CELF1: variants seen among roughly 807,000 people sequenced by gnomAD.
CELF1 encodes CUGBP Elav-like family member 1, also known as 50 kDa nuclear polyadenylated RNA-binding protein.
A neutral mutation model predicts 61.8 loss-of-function variants in CELF1; 10 were observed. The observed-to-expected ratio is 0.16, with a 90% CI of 0.10 to 0.27. The LOEUF (loss-of-function observed/expected upper bound fraction) is 0.27, where lower values mean the gene tolerates loss of function less well. Among genes scored for constraint, CELF1 ranks in the 10% least tolerant of loss-of-function variants. The probability of loss-of-function intolerance (pLI) is 1.00; values close to 1 mark genes in which losing one functional copy is unlikely to be tolerated. For synonymous variants in CELF1, 236 were observed against 225.1 expected (o/e 1.05, Z -0.43); for missense variants, 380 against 639.1 (o/e 0.59, Z 4.37).
chr11:47,531,459 C>T (rs1159801494), intron 1 of CELF1, among the ~76,000 whole-genome samples: 1 of 152,028 alleles, frequency 6.6e-6, no homozygotes, highest in South Asian at 2.1e-4. Flanking sequence ...GTCTCAGCTA[C>T]TCTGGGGGCT....
At chr11:47,554,866 G>C (rs900148927), upstream of CELF1, among the ~76,000 whole-genome samples, 1 of 151,996 alleles carries the variant, frequency 6.6e-6, no homozygotes, top group African/African-American at 2.4e-5. Flanking sequence ...TTCAACCCCT[G>C]TTGGTCAGGC....
chr11:47,478,669 A>G (rs2081331399), intron 10 of CELF1, among the ~76,000 whole-genome samples: 1 of 152,238 alleles, frequency 6.6e-6, no homozygotes. Context: ...GAGGCACCAG[A>G]TAACGTCAGA....
chr11:47,472,491 T>G, intron 14 of CELF1, 134 bp from the exon 15 acceptor site: 1 of 921,186 alleles, frequency 1.1e-6, no homozygotes, highest in Non-Finnish European at 1.7e-6. Flanking sequence ...AATCTGGACA[T>G]TATGTCATAC....
At position 47,533,743 on chromosome 11, in the gene CELF1, G is replaced by C. The variant is rs1598188334; in HGVS notation, c.-154+19249C>G. Among the ~76,000 whole-genome samples the C allele has an allele frequency of 5.4e-5, 8 of 148,304 alleles. No individual in the cohort carries two copies. The Admixed American group carries it at 5.5e-4, about 10-fold the overall frequency. On this transcript the variant is annotated intron_variant, in intron 1 of 14. Coordinates refer to ENST00000687097, the MANE Select transcript of CELF1 (RefSeq NM_001376376.1). ...AAGCATCACTTGAACCTAAGAGGCA[G>C]GGGTTACAGTGAGCTGAGATTGCTC...
Position 47,472,206 on chromosome 11 carries a change from C to A in CELF1, c.*24G>T, listed in dbSNP as rs1335390679. 1 of 1,612,320 alleles carries A rather than the reference C, an allele frequency of 6.2e-7. No homozygotes were observed. The highest frequency in any genetic ancestry group is 1.1e-5 in the South Asian group (1 of 91,000). On this transcript the variant is annotated 3_prime_UTR_variant, in exon 15 of 15. Transcript: ENST00000687097. Reference sequence around the variant, plus strand: ...CCCCACTTACCAGAAGACCCTCTCACTCCAGTCTCAGAGGGGAGCACGCTC... The same window carrying A: ...CCCCACTTACCAGAAGACCCTCTCAATCCAGTCTCAGAGGGGAGCACGCTC...
Position 47,499,594 on chromosome 11 carries a change from G to A in CELF1, c.-71C>T. ...CTTGTCTGATCCACAAATACACACA[G>A]CTTTAGCTTCCTGGGCCCCACAAAA... On this transcript the variant is annotated 5_prime_UTR_variant, in exon 3 of 15. Coordinates refer to ENST00000687097, the MANE Select transcript of CELF1 (RefSeq NM_001376376.1). 1.6e-6 allele frequency: 2 copies of A among 1,255,832 alleles called. No individual in the cohort carries two copies. Among genetic ancestry groups the A allele is most frequent in the Admixed American group, 2.0e-5 (1 of 48,858 alleles). 77.8% of individuals were successfully genotyped at this position (1,255,832 alleles called of 1,614,324 possible). A position where few individuals can be genotyped will look rare whatever the true frequency, so the allele number is the denominator to read the frequency against.
intron 1 of CELF1, chr11:47,513,681 T>C (rs1315588898): frequency 2.0e-5 from 3 of 151,982 alleles, no homozygotes; most frequent in South Asian, 2.1e-4. Context: ...GGTCTCGATC[T>C]CCTGACCTCG....
chr11:47,513,694 A>G (rs1272996561), intron 1 of CELF1: 1 of 150,862 alleles, frequency 6.6e-6, no homozygotes, highest in Non-Finnish European at 1.5e-5. Context: ...TGACCTCGTG[A>G]TCCGCCCACC....
intron 1 of CELF1, among the ~76,000 whole-genome samples, chr11:47,521,443 G>A (rs2095879659): frequency 6.6e-6 from 1 of 152,114 alleles, no homozygotes; most frequent in African/African-American, 2.4e-5. Flanking sequence ...AACCCACAAT[G>A]TACCCTATAC....
At chr11:47,521,026 C>T (rs534539980) in intron 1 of CELF1, among the ~76,000 whole-genome samples, 8 of 152,226 alleles carry the variant, frequency 5.3e-5, no homozygotes, top group Non-Finnish European at 7.4e-5. Flanking sequence ...CCAAGATGGG[C>T]GGATCACGAA....
rs927247614 is a variant in CELF1 at position 47,470,797 on chromosome 11, T to C, written c.*1433A>G. 7 of 152,226 alleles carry C rather than the reference T, an allele frequency of 4.6e-5. No homozygotes were observed. Among genetic ancestry groups the C allele is most frequent in the Non-Finnish European group, 1.5e-5 (1 of 68,062 alleles). 9.4% of individuals were successfully genotyped at this position (152,226 alleles called of 1,614,324 possible). The stretch of plus-strand genomic sequence containing the variant: ...GCCCAGGTGTACATTCCCAACAGCA[T>C]GTCCTTCCTGGTTCTCTACCCCCAC... On this transcript the variant is annotated 3_prime_UTR_variant, in exon 15 of 15. Coordinates refer to ENST00000687097, the MANE Select transcript of CELF1 (RefSeq NM_001376376.1).
intron 2 of CELF1, among the ~76,000 whole-genome samples, chr11:47,563,567 T>C (rs2097233453): frequency 6.6e-6 from 1 of 152,094 alleles, no homozygotes; most frequent in Non-Finnish European, 1.5e-5. Flanking sequence ...CGGGCACCTG[T>C]AGTTCTAGCT....
In CELF1 at chr11:47,545,909, A is replaced by G. The variant is rs111564122; in HGVS notation, c.-154+7083T>C. ...TGTGTGTGTGTGTGTGTGTGTGTAT[A>G]TATATATTTTTTTTTTTTTGAGATG... On this transcript the variant is annotated intron_variant, in intron 1 of 14. Transcript: ENST00000687097. 1.2e-3 allele frequency among the ~76,000 whole-genome samples: 131 copies of G among 108,440 alleles called. 1 individual carries two copies. The highest frequency in any genetic ancestry group is 2.0e-3 in the Non-Finnish European group (102 of 51,498). 71.1% of individuals were successfully genotyped at this position (108,440 alleles called of 152,430 possible). A position where few individuals can be genotyped will look rare whatever the true frequency, so the allele number is the denominator to read the frequency against.
intron 1 of CELF1, 54 bp downstream of exon 1, chr11:47,552,937 CT>C (rs2097181780): frequency 2.5e-6 from 1 of 397,714 alleles, no homozygotes. Flanking sequence ...TCCCTCTTGC[CT>C]TTTTTCCCCT....
At chr11:47,522,161 C>T (rs1286114897) in intron 1 of CELF1, among the ~76,000 whole-genome samples, 1 of 151,976 alleles carries the variant, frequency 6.6e-6, no homozygotes, top group South Asian at 2.1e-4. Flanking sequence ...GATCTGCCTG[C>T]CTCGGCCTCC....
chr11:47,475,304 C>T (rs201883554), intron 13 of CELF1, 32 bp downstream of exon 13: 3 of 1,608,436 alleles, frequency 1.9e-6, no homozygotes, highest in Non-Finnish European at 8.5e-7. Context: ...AACCGCCCCC[C>T]ATACCTGACC....
intron 1 of CELF1, among the ~76,000 whole-genome samples, chr11:47,503,187 C>T (rs2094138857): frequency 6.6e-6 from 1 of 152,134 alleles, no homozygotes; most frequent in Non-Finnish European, 1.5e-5. Flanking sequence ...AAAAGAACAG[C>T]ATTCATTGCA....
intron 6 of CELF1, among the ~76,000 whole-genome samples, chr11:47,485,479 T>C (rs951554065): frequency 1.1e-4 from 16 of 152,338 alleles, no homozygotes; most frequent in African/African-American, 3.6e-4. Context: ...CCAGCATTGT[T>C]TGCTCTTACT....
chr11:47,512,581 C>G (rs2095283423), intron 1 of CELF1, among the ~76,000 whole-genome samples: 1 of 151,384 alleles, frequency 6.6e-6, no homozygotes, highest in Admixed American at 6.6e-5. Flanking sequence ...CTCAAATGAT[C>G]TGCCTGCCTC....
Sources: allele counts gnomAD v4.1 joint callset (sites outside exome capture counted in the v4.1 genomes callset), GRCh38; gene constraint gnomAD v4.1.1; transcripts MANE v1.5; gene names NCBI Gene and HGNC (gene_info 2026-07-23, HGNC 2026-07-21).